NIPAL4: variants seen among roughly 807,000 people sequenced by gnomAD.
NIPAL4 encodes magnesium transporter NIPA4.
A neutral mutation model predicts 31.6 loss-of-function variants in NIPAL4; 21 were observed. The ratio of observed to expected loss-of-function variants is 0.67; its 90% CI spans 0.47 to 0.96. The LOEUF is 0.96. NIPAL4 is among the 40% of genes least tolerant of loss of function. The pLI is 0.00. For missense variants in NIPAL4, 438 were observed against 508.0 expected (o/e 0.86, Z 1.32); for synonymous variants, 175 against 211.1 (o/e 0.83, Z 1.48).
chr5:157,469,196 T>C (rs12332707), intron 4 of NIPAL4, among the ~76,000 whole-genome samples: 1,642 of 152,302 alleles, frequency 0.011, 19 homozygotes, highest in African/African-American at 0.037. Flanking sequence ...CACGTTACCA[T>C]AGGCAAGTCA....
At chr5:157,460,584 G>GGGA (rs1187307754) in intron 1 of NIPAL4, 1 of 690,198 alleles carries the variant, frequency 1.4e-6, no homozygotes, top group Non-Finnish European at 2.6e-6. Context: ...AGGAAAGTAT[G>GGGA]TCCCCTGGGT....
At chr5:157,461,782 G>T (rs529695520) in intron 1 of NIPAL4, among the ~76,000 whole-genome samples, 1 of 152,232 alleles carries the variant, frequency 6.6e-6, no homozygotes, top group Non-Finnish European at 1.5e-5. Context: ...AGATGTTGGG[G>T]TGACTTAAGC....
chr5:157,471,861 A>G (rs1754448189), intron 5 of NIPAL4, 44 bp downstream of exon 5: 1 of 1,469,436 alleles, frequency 6.8e-7, no homozygotes, highest in Non-Finnish European at 9.3e-7. Context: ...CTGGAGGTTG[A>G]ACACCCCCTA....
At chr5:157,462,289 T>A (rs984598275) in intron 1 of NIPAL4, among the ~76,000 whole-genome samples, 24 of 152,148 alleles carry the variant, frequency 1.6e-4, no homozygotes, top group Non-Finnish European at 2.9e-4. Flanking sequence ...GCAGATCTGA[T>A]TTTTCACCGT....
chr5:157,466,214 T>C (rs1054722911), intron 2 of NIPAL4, among the ~76,000 whole-genome samples: 9 of 151,580 alleles, frequency 5.9e-5, no homozygotes, highest in Non-Finnish European at 4.4e-5. Context: ...AATAATAGAG[T>C]ATTCTGGACA....
chr5:157,466,848 G>A (rs937814715), intron 2 of NIPAL4, among the ~76,000 whole-genome samples: 1 of 152,194 alleles, frequency 6.6e-6, no homozygotes, highest in Non-Finnish European at 1.5e-5. Context: ...TCAGAAGGAA[G>A]GTCCAGGCTA....
intron 4 of NIPAL4, 43 bp downstream of exon 4, chr5:157,468,855 T>A: frequency 1.4e-6 from 2 of 1,389,590 alleles, no homozygotes; most frequent in Non-Finnish European, 2.0e-6. Flanking sequence ...TATTCCGTTT[T>A]CAGTTTGTTG....
rs184168328 is a variant in NIPAL4 at position 157,473,188 on chromosome 5, C to G, written c.*228C>G. The G allele has an allele frequency of 5.9e-3, 2,698 of 453,660 alleles. 6 individuals carry two copies. Among genetic ancestry groups the G allele is most frequent in the Non-Finnish European group, 7.8e-3 (2,032 of 258,926 alleles). 28.1% of individuals were successfully genotyped at this position (453,660 alleles called of 1,614,324 possible). ...AGTGACCAAATACCCAAGTTTACAT[C>G]AGTGCCTGCAGGTTCCCTGGACCTT... On this transcript the variant is annotated 3_prime_UTR_variant, in exon 6 of 6. Transcript: ENST00000311946.
intron 2 of NIPAL4, among the ~76,000 whole-genome samples, chr5:157,465,733 T>G (rs572114963): frequency 2.9e-4 from 44 of 152,220 alleles, no homozygotes; most frequent in Admixed American, 5.9e-4. Flanking sequence ...CACTCACACC[T>G]GTAATCCCAG....
In NIPAL4 at chr5:157,467,046, C is replaced by T; in HGVS notation, c.278-3C>T. 1 of 1,609,892 alleles carries T rather than the reference C, an allele frequency of 6.2e-7. No individual in the cohort carries two copies. The highest frequency in any genetic ancestry group is 8.5e-7 in the Non-Finnish European group (1 of 1,176,380). On this transcript the variant is annotated splice_region_variant and splice_polypyrimidine_tract_variant and intron_variant, in intron 2 of 5. Transcript: ENST00000311946. ...CCTAACTTTGTGTCCATTCCCTCCA[C>T]AGTGGATGGAGGCTTCGGCTACCTG...
intron 2 of NIPAL4, among the ~76,000 whole-genome samples, chr5:157,463,947 T>C (rs1428351845): frequency 6.6e-6 from 1 of 152,148 alleles, no homozygotes; most frequent in Non-Finnish European, 1.5e-5. Context: ...ATGCTAGACA[T>C]GGGGATTCAG....
rs574862821 is a variant in NIPAL4, at chr5:157,468,188, T to A, written c.335-534T>A. Among the ~76,000 whole-genome samples, 18 of 152,138 alleles carry A rather than the reference T, an allele frequency of 1.2e-4. No individual in the cohort carries two copies. The East Asian group carries it at 3.5e-3, about 29-fold the overall frequency. ...CCTCGGCCTCCCAAAGTGCTGGGATTACAGGTGTGAGGCAACGCGCCCAGC... is the reference window on the plus strand; with the variant it reads ...CCTCGGCCTCCCAAAGTGCTGGGATAACAGGTGTGAGGCAACGCGCCCAGC... On this transcript the variant is annotated intron_variant, in intron 3 of 5. Transcript: ENST00000311946.
Position 157,474,576 on chromosome 5 carries a change from A to G in NIPAL4, c.*1616A>G, listed in dbSNP as rs1365773527. On this transcript the variant is annotated 3_prime_UTR_variant, in exon 6 of 6. Transcript: ENST00000311946. ...ACTGGCTCCCTGACTCTTCAGCCTCAAATCCCCAGTTTTTGATGAATGTGG... is the reference window on the plus strand; with the variant it reads ...ACTGGCTCCCTGACTCTTCAGCCTCGAATCCCCAGTTTTTGATGAATGTGG... 6.6e-6 allele frequency: 1 copy of G among 152,236 alleles called. No individual in the cohort carries two copies. The highest frequency in any genetic ancestry group is 1.9e-4 in the East Asian group (1 of 5,206). 9.4% of individuals were successfully genotyped at this position (152,236 alleles called of 1,614,324 possible).
In NIPAL4 at chr5:157,472,337, A is replaced by T; in HGVS notation, c.592A>T (p.Ile198Phe). ...TTCTCTCTCTCCTCCCAAAGGGTTC[A>T]TCGTGTTTGCTGTGCTTCTGCTGGT... ...MASKMKDTGF[I>F]VFAVLLLVSC... Residue 198 changes from isoleucine to phenylalanine, a missense_variant, in exon 6 of 6, where the codon ATC (isoleucine) becomes TTC (phenylalanine). Transcript: ENST00000311946. The T allele has an allele frequency of 6.2e-7, 1 of 1,601,012 alleles. No homozygotes were observed. The highest frequency in any genetic ancestry group is 8.5e-7 in the Non-Finnish European group (1 of 1,175,474).
At chr5:157,461,942 C>G (rs1417689031) in intron 1 of NIPAL4, among the ~76,000 whole-genome samples, 1 of 152,238 alleles carries the variant, frequency 6.6e-6, no homozygotes, top group Non-Finnish European at 1.5e-5. Context: ...CAAGATGCCA[C>G]TCTGCCCTGC....
chr5:157,461,705 G>C (rs1030669166), intron 1 of NIPAL4, among the ~76,000 whole-genome samples: 6 of 152,246 alleles, frequency 3.9e-5, no homozygotes, highest in African/African-American at 1.4e-4. Context: ...GTTTTGGAAA[G>C]AGAGATATCA....
intron 2 of NIPAL4, 48 bp downstream of exon 2, chr5:157,463,381 T>G: frequency 1.3e-6 from 2 of 1,549,722 alleles, no homozygotes; most frequent in Non-Finnish European, 1.7e-6. Context: ...AGCTGAGCTC[T>G]CACAAGGTCC....
At chr5:157,460,404 C>A in intron 1 of NIPAL4, 47 bp downstream of exon 1, 1 of 1,496,530 alleles carries the variant, frequency 6.7e-7, no homozygotes, top group South Asian at 1.2e-5. Context: ...CGCTTCGCGC[C>A]CTCCCCTCCT....
intron 4 of NIPAL4, among the ~76,000 whole-genome samples, chr5:157,469,232 C>A (rs1754361265): frequency 6.6e-6 from 1 of 152,182 alleles, no homozygotes; most frequent in Non-Finnish European, 1.5e-5. Context: ...CACTCGAAGC[C>A]TCATTTTTCC....
Sources: allele counts gnomAD v4.1 joint callset (sites outside exome capture counted in the v4.1 genomes callset), GRCh38; gene constraint gnomAD v4.1.1; transcripts MANE v1.5; gene names NCBI Gene and HGNC (gene_info 2026-07-23, HGNC 2026-07-21).